BBS9: variants seen among roughly 807,000 people sequenced by gnomAD.
BBS9 encodes the protein Bardet-Biedl syndrome 9, also known as protein PTHB1.
Under a neutral mutation model 117.7 loss-of-function variants are expected in BBS9, and 89 were observed. That is an observed-to-expected ratio of 0.76 (90% CI 0.64 to 0.90). The LOEUF (loss-of-function observed/expected upper bound fraction) is 0.90, where lower values mean the gene tolerates loss of function less well. Among genes scored for constraint, BBS9 ranks in the 40% least tolerant of loss-of-function variants. BBS9 has a pLI of 0.00. For synonymous variants in BBS9, 379 were observed against 370.9 expected (o/e 1.02, Z -0.25); for missense variants, 982 against 1,042.2 (o/e 0.94, Z 0.80).
At chr7:33,408,107 G>A (rs1265940715) in intron 19 of BBS9, among the ~76,000 whole-genome samples, 2 of 152,230 alleles carry the variant, frequency 1.3e-5, no homozygotes, top group Non-Finnish European at 2.9e-5. Context: ...GAGCTTCCTG[G>A]CTGCTTTGTT....
intron 4 of BBS9, among the ~76,000 whole-genome samples, chr7:33,162,557 A>G (rs1795023864): frequency 6.6e-6 from 1 of 152,022 alleles, no homozygotes; most frequent in Non-Finnish European, 1.5e-5. Context: ...ATCCCTTGTA[A>G]GTTGGATTCT....
intron 4 of BBS9, among the ~76,000 whole-genome samples, chr7:33,164,076 A>G (rs1795283889): frequency 6.6e-6 from 1 of 152,004 alleles, no homozygotes; most frequent in Non-Finnish European, 1.5e-5. Flanking sequence ...TTCTGCCTTC[A>G]TTTCGTTATG....
intron 5 of BBS9, among the ~76,000 whole-genome samples, chr7:33,237,409 T>C (rs536349717): frequency 1.3e-5 from 2 of 152,360 alleles, no homozygotes; most frequent in South Asian, 2.1e-4. Flanking sequence ...ATTTCAATTA[T>C]GGACAGTGTG....
At chr7:33,268,238 G>A (rs1263666050) in intron 7 of BBS9, among the ~76,000 whole-genome samples, 12 of 152,138 alleles carry the variant, frequency 7.9e-5, no homozygotes, top group African/African-American at 2.9e-4. Context: ...ACAATAATTT[G>A]CCAGTAAGTA....
At chr7:33,536,681 T>TCCCCCCCCC (rs1563323298) in intron 21 of BBS9, among the ~76,000 whole-genome samples, 8 of 44,198 alleles carry the variant, frequency 1.8e-4, no homozygotes, top group Non-Finnish European at 3.4e-4. Flanking sequence ...GATTCGGCCT[T>TCCCCCCCCC]CCCCCCGCCC....
In BBS9 at chr7:33,225,399, A is replaced by C. The variant is rs193150083; in HGVS notation, c.443-31837A>C. 5.8e-4 allele frequency among the ~76,000 whole-genome samples: 88 copies of C among 152,150 alleles called. No homozygotes were observed. In the East Asian group the frequency reaches 0.015, roughly 26 times the overall value. ...TTTTTCATAGAGATGGGGTCTTGCT[A>C]TGTTGCCCAGGCTGGTCTTGAACTC... On this transcript the variant is annotated intron_variant, in intron 5 of 22. Transcript: ENST00000242067.
At chr7:33,391,455 C>G (rs1346953157) in intron 19 of BBS9, among the ~76,000 whole-genome samples, 1 of 152,168 alleles carries the variant, frequency 6.6e-6, no homozygotes, top group African/African-American at 2.4e-5. Context: ...TACATACACA[C>G]TACCTTACAG....
At chr7:33,275,171 A>G (rs1800534878) in intron 9 of BBS9, among the ~76,000 whole-genome samples, 1 of 152,166 alleles carries the variant, frequency 6.6e-6, no homozygotes. Flanking sequence ...AATTTTAGAA[A>G]AATGGAAACG....
chr7:33,461,854 A>G (rs1839509084), intron 19 of BBS9, among the ~76,000 whole-genome samples: 1 of 151,904 alleles, frequency 6.6e-6, no homozygotes, highest in Non-Finnish European at 1.5e-5. Flanking sequence ...TTTAGTTTGG[A>G]CCCTTTTAAC....
intron 21 of BBS9, among the ~76,000 whole-genome samples, chr7:33,618,150 GGC>G (rs1201672412): frequency 3.7e-4 from 56 of 152,194 alleles, no homozygotes; most frequent in Middle Eastern, 3.4e-3. Context: ...GACCAACCTG[GGC>G]AACATAGTGA....
At chr7:33,245,633 A>G (rs563773281) in intron 5 of BBS9, among the ~76,000 whole-genome samples, 1 of 152,286 alleles carries the variant, frequency 6.6e-6, no homozygotes, top group South Asian at 2.1e-4. Context: ...TCATGTGAAT[A>G]TGGTGATACT....
At chr7:33,190,405 A>AG (rs1193953911) in intron 5 of BBS9, among the ~76,000 whole-genome samples, 7 of 152,186 alleles carry the variant, frequency 4.6e-5, no homozygotes, top group African/African-American at 1.7e-4. Context: ...TTTCCTGCAG[A>AG]GGCCATAATT....
intron 12 of BBS9, among the ~76,000 whole-genome samples, chr7:33,347,969 T>C (rs190280758): frequency 7.9e-4 from 120 of 152,182 alleles, no homozygotes; most frequent in Non-Finnish European, 1.5e-3. Flanking sequence ...GTCACCATGA[T>C]AGAACATTTT....
intron 20 of BBS9, among the ~76,000 whole-genome samples, chr7:33,512,597 G>A (rs1847121447): frequency 6.6e-6 from 1 of 152,148 alleles, no homozygotes; most frequent in Non-Finnish European, 1.5e-5. Context: ...CTGGCTAGAG[G>A]TGTGTTTATA....
chr7:33,599,179 A>T (rs1351486100), intron 21 of BBS9, among the ~76,000 whole-genome samples: 2 of 152,154 alleles, frequency 1.3e-5, no homozygotes, highest in African/African-American at 4.8e-5. Context: ...AAATATTGGA[A>T]CCCAGCAGAT....
At chr7:33,436,791 A>G (rs181569537) in intron 19 of BBS9, among the ~76,000 whole-genome samples, 3 of 152,354 alleles carry the variant, frequency 2.0e-5, no homozygotes. Flanking sequence ...CTTCACTGAT[A>G]TCCCTAAATG....
chr7:33,631,096 G>T (rs527677309), intron 21 of BBS9, among the ~76,000 whole-genome samples: 42 of 152,196 alleles, frequency 2.8e-4, no homozygotes, highest in Non-Finnish European at 5.7e-4. Flanking sequence ...AGTGGGGAAA[G>T]CTTTTCTGAG....
intron 5 of BBS9, among the ~76,000 whole-genome samples, chr7:33,253,247 T>G (rs539472736): frequency 1.6e-4 from 25 of 152,184 alleles, no homozygotes; most frequent in Non-Finnish European, 2.8e-4. Flanking sequence ...TAGGCTCAGA[T>G]TAGGTTCTGT....
chr7:33,225,333 G>A (rs535102853), intron 5 of BBS9, among the ~76,000 whole-genome samples: 2 of 152,122 alleles, frequency 1.3e-5, no homozygotes, highest in Non-Finnish European at 2.9e-5. Context: ...AAGTAGTTGG[G>A]ACCACTGGTA....
Sources: gnomAD v4.1 joint callset for allele counts (sites outside exome capture counted in the v4.1 genomes callset) on GRCh38, gnomAD v4.1.1 for gene constraint, MANE v1.5 for transcripts, NCBI Gene and HGNC (gene_info 2026-07-23, HGNC 2026-07-21) for gene names.